ZNF679: variants seen among roughly 807,000 people sequenced by gnomAD.
The protein encoded by ZNF679 is zinc finger protein 679.
A neutral mutation model predicts 13.4 loss-of-function variants in ZNF679; 10 were observed. The observed-to-expected ratio is 0.75, with a 90% CI of 0.46 to 1.27. The LOEUF (loss-of-function observed/expected upper bound fraction) is 1.27. ZNF679 is among the 50% of genes most tolerant of loss of function. The pLI, the probability that ZNF679 is intolerant of heterozygous loss-of-function variation, is 0.00. For missense variants in ZNF679, 525 were observed against 477.8 expected (o/e 1.10, Z -0.92); for synonymous variants, 179 against 162.5 (o/e 1.10, Z -0.77).
intron 1 of ZNF679, among the ~76,000 whole-genome samples, chr7:64,235,734 A>T (rs1180071119): frequency 6.6e-6 from 1 of 152,010 alleles, no homozygotes; most frequent in Non-Finnish European, 1.5e-5. Context: ...GGTTGCCATG[A>T]GCCGAGATCA....
At chr7:64,234,940 C>A (rs1269495283) in intron 1 of ZNF679, among the ~76,000 whole-genome samples, 1 of 152,128 alleles carries the variant, frequency 6.6e-6, no homozygotes, top group Non-Finnish European at 1.5e-5. Flanking sequence ...AGGGTTCAAG[C>A]GATTCTTGCG....
chr7:64,246,729 G>T (rs1028385455), intron 1 of ZNF679, among the ~76,000 whole-genome samples: 3 of 149,586 alleles, frequency 2.0e-5, no homozygotes, highest in Non-Finnish European at 4.4e-5. Flanking sequence ...TCAAAAGAAA[G>T]AAAGAAAAGA....
At chr7:64,229,272 T>C (rs1021730467) in intron 1 of ZNF679, among the ~76,000 whole-genome samples, 1 of 152,108 alleles carries the variant, frequency 6.6e-6, no homozygotes. Flanking sequence ...ACTGTACGCA[T>C]GAGTGTTGTG....
At chr7:64,259,614 A>G (rs78018485) in intron 2 of ZNF679, among the ~76,000 whole-genome samples, 1 of 152,174 alleles carries the variant, frequency 6.6e-6, no homozygotes. Flanking sequence ...TCAACTTTGC[A>G]TAAAACTGGT....
At chr7:64,263,459 G>A (rs1338191583) in intron 4 of ZNF679, among the ~76,000 whole-genome samples, 2 of 152,096 alleles carry the variant, frequency 1.3e-5, no homozygotes, top group East Asian at 3.8e-4. Flanking sequence ...AAAATATTGT[G>A]TATCCTCTTG....
At position 64,235,787 on chromosome 7, in the gene ZNF679, CAAGAAAGAAAGAAAGA is replaced by C. The variant is rs71060565; in HGVS notation, c.-91+7148_-91+7163del. 2.4e-4 allele frequency among the ~76,000 whole-genome samples: 34 copies of C among 142,948 alleles called. No individual in the cohort carries two copies. The South Asian group carries it at 7.8e-3, about 33-fold the overall frequency. The allele number at this position is 142,948 out of a possible 152,430, so 93.8% of individuals were successfully genotyped here. A position where few individuals can be genotyped will look rare whatever the true frequency, so the allele number is the denominator to read the frequency against. On this transcript the variant is annotated intron_variant, in intron 1 of 4. Transcript: ENST00000421025. ...CTGGGCGACAAGAGCGAAACCCCGT[CAAGAAAGAAAGAAAGA>C]AAGAAAGAAAGAGACAGAGAGAGAG...
chr7:64,229,628 T>C (rs929067923), intron 1 of ZNF679, among the ~76,000 whole-genome samples: 5 of 152,186 alleles, frequency 3.3e-5, no homozygotes, highest in Admixed American at 3.3e-4. Context: ...ATAAAACTCA[T>C]GGACTTTATA....
At chr7:64,236,945 GAAAGAA>G (rs1562840255) in intron 1 of ZNF679, among the ~76,000 whole-genome samples, 2 of 46,352 alleles carry the variant, frequency 4.3e-5, no homozygotes, top group East Asian at 8.0e-4. Context: ...AAGAAAGAAA[GAAAGAA>G]AGAAAGAAAG....
intron 2 of ZNF679, among the ~76,000 whole-genome samples, chr7:64,253,997 C>G (rs1236973680): frequency 6.6e-6 from 1 of 152,156 alleles, no homozygotes; most frequent in African/African-American, 2.4e-5. Flanking sequence ...GAGTTTATGT[C>G]TGGCTATGTG....
At chr7:64,256,697 CTTTT>C (rs35992074) in intron 2 of ZNF679, among the ~76,000 whole-genome samples, 2 of 134,260 alleles carry the variant, frequency 1.5e-5, no homozygotes, top group African/African-American at 2.7e-5. Context: ...TTTCGTTGAA[CTTTT>C]TTTTTTTTTT....
chr7:64,261,539 A>T (rs1386184106), intron 4 of ZNF679, among the ~76,000 whole-genome samples: 1 of 152,036 alleles, frequency 6.6e-6, no homozygotes, highest in African/African-American at 2.4e-5. Context: ...TTAGATATAG[A>T]TTTATAAATA....
chr7:64,237,384 G>A (rs184536762), intron 1 of ZNF679, among the ~76,000 whole-genome samples: 83 of 152,288 alleles, frequency 5.5e-4, no homozygotes, highest in African/African-American at 2.0e-3. Context: ...TAGCAGCCAG[G>A]TGGGGAGAGG....
chr7:64,258,074 G>C (rs1163326995), intron 2 of ZNF679, among the ~76,000 whole-genome samples: 1 of 152,074 alleles, frequency 6.6e-6, no homozygotes, highest in South Asian at 2.1e-4. Context: ...AGTGCGGTTC[G>C]TGCTCCCATT....
chr7:64,248,966 C>A, intron 1 of ZNF679, 62 bp from the exon 2 acceptor site: 1 of 1,105,974 alleles, frequency 9.0e-7, no homozygotes, highest in Non-Finnish European at 1.3e-6. Flanking sequence ...ATCAGGCATG[C>A]AGCTGGAGAG....
intron 1 of ZNF679, among the ~76,000 whole-genome samples, chr7:64,236,935 A>AAGAAAGAC (rs1787725766): frequency 6.9e-5 from 3 of 43,518 alleles, no homozygotes; most frequent in Non-Finnish European, 1.3e-4. Context: ...GAAAGAAAGA[A>AAGAAAGAC]AGAAAGAAAG....
In ZNF679 at chr7:64,249,247, G is replaced by T. The variant is rs913542340; in HGVS notation, c.39+91G>T. 4.5e-5 allele frequency: 72 copies of T among 1,607,012 alleles called. 2 individuals carry two copies. The South Asian group carries it at 7.4e-4, about 17-fold the overall frequency. ...GTAGCAGGACCCAAACTTCCTCGCA[G>T]TCAGCTCCGGAGTCTGAGGACCCAA... On this transcript the variant is annotated intron_variant, in intron 2 of 4. Transcript: ENST00000421025.
intron 2 of ZNF679, among the ~76,000 whole-genome samples, chr7:64,256,498 T>C (rs1159432553): frequency 6.6e-6 from 1 of 152,178 alleles, no homozygotes; most frequent in East Asian, 1.9e-4. Context: ...CCAAACTGTT[T>C]TTCTCAATGG....
At chr7:64,262,305 T>G (rs2115610087) in intron 4 of ZNF679, among the ~76,000 whole-genome samples, 1 of 152,382 alleles carries the variant, frequency 6.6e-6, no homozygotes, top group Non-Finnish European at 1.5e-5. Flanking sequence ...TTAAATGTGT[T>G]ACTTGATTAC....
chr7:64,262,431 AT>A (rs985583209), intron 4 of ZNF679, among the ~76,000 whole-genome samples: 24 of 152,004 alleles, frequency 1.6e-4, no homozygotes, highest in African/African-American at 4.8e-4. Flanking sequence ...TTTCCACTAT[AT>A]TTTTTTTCTA....
Sources: allele counts gnomAD v4.1 joint callset (sites outside exome capture counted in the v4.1 genomes callset), GRCh38; gene constraint gnomAD v4.1.1; transcripts MANE v1.5; gene names NCBI Gene and HGNC (gene_info 2026-07-23, HGNC 2026-07-21).